Variants in SDHAF3 observed in about 807,000 individuals in gnomAD.
SDHAF3 encodes succinate dehydrogenase assembly factor 3, mitochondrial.
SDHAF3 carries 18 observed loss-of-function variants against 11.5 expected under a neutral mutation model. The observed-to-expected ratio is 1.56, with a 90% CI of 1.08 to 2.32. The LOEUF is 2.32. Among genes scored for constraint, SDHAF3 ranks in the 30% most tolerant of loss-of-function variants. The probability of loss-of-function intolerance (pLI) is 0.00; values close to 1 mark genes in which losing one functional copy is unlikely to be tolerated. For synonymous variants in SDHAF3, 72 were observed against 59.3 expected (o/e 1.21, Z -0.99); for missense variants, 200 against 154.4 (o/e 1.30, Z -1.57).
chr7:97,148,484 C>G (rs950666631), intron 1 of SDHAF3, among the ~76,000 whole-genome samples: 1 of 152,146 alleles, frequency 6.6e-6, no homozygotes, highest in Admixed American at 6.5e-5. Flanking sequence ...CTGAAGCCAG[C>G]TATGATTGCC....
chr7:97,132,614 CTG>C lies in SDHAF3; in HGVS notation c.174+14719_174+14720del, dbSNP rs1791687459. ...TAAAAATTAAGTTACCATGTAGTAA[CTG>C]TATTCCATTTTAATTTTTTACCTTT... On this transcript the variant is annotated intron_variant, in intron 1 of 1. Coordinates refer to ENST00000432641, the MANE Select transcript of SDHAF3 (RefSeq NM_020186.3). Among the ~76,000 whole-genome samples, 4 of 152,228 alleles carry C rather than the reference CTG, an allele frequency of 2.6e-5. No individual in the cohort carries two copies. The South Asian group carries it at 8.3e-4, about 32-fold the overall frequency.
intron 1 of SDHAF3, among the ~76,000 whole-genome samples, chr7:97,161,520 C>G (rs9656043): frequency 0.36 from 54,886 of 151,842 alleles, 9,987 homozygotes; most frequent in East Asian, 0.49. Context: ...TGCCATGGTG[C>G]TTTGCTGCAC....
intron 1 of SDHAF3, among the ~76,000 whole-genome samples, chr7:97,131,729 A>C (rs1003924985): frequency 6.6e-6 from 1 of 152,220 alleles, no homozygotes. Context: ...AAAAGAACTT[A>C]TTTAGCTCAA....
At position 97,181,623 on chromosome 7, in the gene SDHAF3, TTAA is replaced by T; in HGVS notation, c.*414_*416del. 5 of 159,824 alleles carry T rather than the reference TTAA, an allele frequency of 3.1e-5. No individual in the cohort carries two copies. In the Middle Eastern group the frequency reaches 0.016, roughly 526 times the overall value. 9.9% of individuals were successfully genotyped at this position (159,824 alleles called of 1,614,324 possible). A position where few individuals can be genotyped will look rare whatever the true frequency, so the allele number is the denominator to read the frequency against. On this transcript the variant is annotated 3_prime_UTR_variant, in exon 2 of 2. Transcript: ENST00000432641. The stretch of plus-strand genomic sequence containing the variant: ...TTCTGAACATTTTATCACTTCTAGT[TTAA>T]TAATACATACATGATTTTTCTTCTG...
intron 1 of SDHAF3, among the ~76,000 whole-genome samples, chr7:97,167,470 C>T (rs1789526750): frequency 6.6e-6 from 1 of 152,056 alleles, no homozygotes; most frequent in Non-Finnish European, 1.5e-5. Flanking sequence ...AGTGTGAGAA[C>T]AGACTAATAC....
intron 1 of SDHAF3, among the ~76,000 whole-genome samples, chr7:97,161,550 A>G (rs994461458): frequency 2.0e-5 from 3 of 152,258 alleles, no homozygotes; most frequent in South Asian, 4.1e-4. Flanking sequence ...CGTCACCTAC[A>G]TTAGGTATTT....
At chr7:97,138,667 A>G (rs1050413095) in intron 1 of SDHAF3, among the ~76,000 whole-genome samples, 2 of 152,250 alleles carry the variant, frequency 1.3e-5, no homozygotes, top group African/African-American at 4.8e-5. Context: ...TAAAATGGGC[A>G]TAGCAACAGT....
At chr7:97,155,835 C>A (rs577323530) in intron 1 of SDHAF3, among the ~76,000 whole-genome samples, 2 of 151,888 alleles carry the variant, frequency 1.3e-5, no homozygotes, top group Admixed American at 6.6e-5. Flanking sequence ...AACTGTCTTA[C>A]AATTAGCTAA....
intron 1 of SDHAF3, among the ~76,000 whole-genome samples, chr7:97,121,676 C>G (rs1791498803): frequency 6.6e-6 from 1 of 151,816 alleles, no homozygotes; most frequent in African/African-American, 2.4e-5. Context: ...GAAAGAGTGT[C>G]TATTAAATGC....
chr7:97,161,361 T>C (rs1388893868), intron 1 of SDHAF3, among the ~76,000 whole-genome samples: 1 of 152,210 alleles, frequency 6.6e-6, no homozygotes, highest in Non-Finnish European at 1.5e-5. Flanking sequence ...GGGACTCGAC[T>C]TCACAATTAG....
intron 1 of SDHAF3, among the ~76,000 whole-genome samples, chr7:97,169,438 C>A (rs543588537): frequency 6.6e-6 from 1 of 152,280 alleles, no homozygotes; most frequent in Non-Finnish European, 1.5e-5. Context: ...TGATGTAACT[C>A]ACTTGATGTT....
chr7:97,154,129 AC>A (rs2115699726), intron 1 of SDHAF3, among the ~76,000 whole-genome samples: 1 of 151,918 alleles, frequency 6.6e-6, no homozygotes, highest in Admixed American at 6.6e-5. Flanking sequence ...CTCATAAAGT[AC>A]ATTCTCAAGG....
At chr7:97,157,773 A>G (rs1446918681) in intron 1 of SDHAF3, among the ~76,000 whole-genome samples, 1 of 152,152 alleles carries the variant, frequency 6.6e-6, no homozygotes, top group Non-Finnish European at 1.5e-5. Flanking sequence ...CATACCATGA[A>G]ATGCTATGCA....
At chr7:97,142,760 A>G (rs564869559) in intron 1 of SDHAF3, 7 of 152,318 alleles carry the variant, frequency 4.6e-5, no homozygotes, top group African/African-American at 1.7e-4. Flanking sequence ...TAGAAGAGCC[A>G]TAACTGCTGA....
intron 1 of SDHAF3, chr7:97,135,683 T>TATATATATATATATATA (rs367669649): frequency 1.6e-5 from 1 of 62,896 alleles, no homozygotes; most frequent in African/African-American, 6.2e-5. Context: ...TATATATATA[T>TATATATATATATATATA]TTTTTTTTTT....
At chr7:97,128,739 A>G (rs1271487659) in intron 1 of SDHAF3, among the ~76,000 whole-genome samples, 1 of 152,220 alleles carries the variant, frequency 6.6e-6, no homozygotes, top group Non-Finnish European at 1.5e-5. Flanking sequence ...CCTTATTACT[A>G]TTTTATTAAA....
At chr7:97,158,857 A>G (rs928018098) in intron 1 of SDHAF3, among the ~76,000 whole-genome samples, 1 of 152,194 alleles carries the variant, frequency 6.6e-6, no homozygotes, top group Non-Finnish European at 1.5e-5. Flanking sequence ...TCAACTTATA[A>G]AAATTTGATT....
intron 1 of SDHAF3, among the ~76,000 whole-genome samples, chr7:97,146,156 T>C (rs1159818524): frequency 1.3e-5 from 2 of 152,150 alleles, no homozygotes; most frequent in Non-Finnish European, 2.9e-5. Flanking sequence ...TAATTTAGTT[T>C]AAAAAGCAAA....
chr7:97,169,400 T>C (rs1220396600), intron 1 of SDHAF3, among the ~76,000 whole-genome samples: 2 of 152,294 alleles, frequency 1.3e-5, no homozygotes, highest in Non-Finnish European at 2.9e-5. Context: ...TCAATATATA[T>C]CAAATATAAT....
Sources: gnomAD v4.1 joint callset for allele counts (sites outside exome capture counted in the v4.1 genomes callset) on GRCh38, gnomAD v4.1.1 for gene constraint, MANE v1.5 for transcripts, NCBI Gene and HGNC (gene_info 2026-07-23, HGNC 2026-07-21) for gene names.